The following BRSK1 variants were observed in gnomAD, a reference collection of about 807,000 sequenced individuals.
BRSK1 encodes the protein serine/threonine-protein kinase BRSK1.
A neutral mutation model predicts 86.2 loss-of-function variants in BRSK1; 17 were observed. The ratio of observed to expected loss-of-function variants is 0.20; its 90% CI spans 0.14 to 0.30. The LOEUF (loss-of-function observed/expected upper bound fraction) is 0.30. Among genes scored for constraint, BRSK1 ranks in the 10% least tolerant of loss-of-function variants. BRSK1 has a pLI of 1.00. For synonymous variants in BRSK1, 464 were observed against 440.1 expected (o/e 1.05, Z -0.68); for missense variants, 719 against 1,071.9 (o/e 0.67, Z 4.60).
intron 17 of BRSK1, among the ~76,000 whole-genome samples, chr19:55,307,644 A>G (rs1384465310): frequency 6.7e-6 from 1 of 150,330 alleles, no homozygotes; most frequent in Non-Finnish European, 1.5e-5. Context: ...TAATCCCAGC[A>G]CTTTGGGAAG....
At chr19:55,301,127 G>C (rs2088563652) in intron 7 of BRSK1, among the ~76,000 whole-genome samples, 1 of 152,210 alleles carries the variant, frequency 6.6e-6, no homozygotes, top group African/African-American at 2.4e-5. Flanking sequence ...TCAGTCGCTC[G>C]TCATTGTATA....
intron 7 of BRSK1, among the ~76,000 whole-genome samples, chr19:55,297,457 C>T (rs73053170): frequency 0.04 from 6,061 of 152,200 alleles, 141 homozygotes; most frequent in Middle Eastern, 0.078. Flanking sequence ...GTGACTGGCC[C>T]ACGGGCACGC....
At position 55,310,085 on chromosome 19, in the gene BRSK1, C is replaced by G. The variant is rs567729890; in HGVS notation, c.2179+1357C>G. On this transcript the variant is annotated intron_variant, in intron 18 of 18. Coordinates refer to ENST00000309383, the MANE Select transcript of BRSK1 (RefSeq NM_032430.2). This position sits in a 1 kb window ranked among gnomAD's most constrained non-coding sequence, Gnocchi z 5.0. ...GGTCTTTTGCTCTGGAGCCGTGGTTCTCAACTAGGGGAGCTGGTTTCACCC... is the reference window on the plus strand; with the variant it reads ...GGTCTTTTGCTCTGGAGCCGTGGTTGTCAACTAGGGGAGCTGGTTTCACCC... Among the ~76,000 whole-genome samples the G allele has an allele frequency of 6.6e-6, 1 of 152,350 alleles. No individual in the cohort carries two copies. Among genetic ancestry groups the G allele is most frequent in the Admixed American group, 6.5e-5 (1 of 15,306 alleles).
chr19:55,310,582 A>AT lies in BRSK1; in HGVS notation c.2180-1324dup, dbSNP rs35931424. On this transcript the variant is annotated intron_variant, in intron 18 of 18. Coordinates refer to ENST00000309383, the MANE Select transcript of BRSK1 (RefSeq NM_032430.2). The surrounding 1 kb of genome is among the most constrained non-coding windows in gnomAD (Gnocchi z 5.0). ...GGGACATTTAGTAATGTCTGGAGACATTTTTCCTCCCCTCAACTGGGGAAA... is the reference window on the plus strand; with the variant it reads ...GGGACATTTAGTAATGTCTGGAGACATTTTTTCCTCCCCTCAACTGGGGAAA... 0.17 allele frequency among the ~76,000 whole-genome samples: 26,319 copies of AT among 151,944 alleles called. 2,791 individuals are homozygous for AT. Among genetic ancestry groups the AT allele is most frequent in the South Asian group, 0.23 (1,118 of 4,816 alleles).
chr19:55,303,503 G>A lies in BRSK1; in HGVS notation c.1126+95G>A. On this transcript the variant is annotated intron_variant, in intron 11 of 18. Coordinates refer to ENST00000309383, the MANE Select transcript of BRSK1 (RefSeq NM_032430.2). This position sits in a 1 kb window ranked among gnomAD's most constrained non-coding sequence, Gnocchi z 5.1. Reference sequence around the variant, plus strand: ...CAGATTCCCAAGGAAAGAAGGGGCTGCAGGCTCTGAGCTTCCAGCTTTAGA... The same window carrying A: ...CAGATTCCCAAGGAAAGAAGGGGCTACAGGCTCTGAGCTTCCAGCTTTAGA... 2 of 1,493,888 alleles carry A rather than the reference G, an allele frequency of 1.3e-6. No individual in the cohort carries two copies. The highest frequency in any genetic ancestry group is 1.9e-6 in the Non-Finnish European group (2 of 1,076,910). The allele number at this position is 1,493,888 out of a possible 1,614,324, so 92.5% of individuals were successfully genotyped here.
intron 7 of BRSK1, among the ~76,000 whole-genome samples, chr19:55,299,004 C>T (rs923245265): frequency 6.6e-6 from 1 of 152,018 alleles, no homozygotes; most frequent in East Asian, 1.9e-4. Context: ...GAGGCTGAGG[C>T]GGGCAGATCA....
chr19:55,296,742 G>A (rs1381015370), intron 7 of BRSK1, among the ~76,000 whole-genome samples: 2 of 152,126 alleles, frequency 1.3e-5, no homozygotes, highest in South Asian at 4.1e-4. Flanking sequence ...CAGCTACTCG[G>A]GAGGCTGAGG....
Position 55,312,353 on chromosome 19 carries a change from TG to T in BRSK1, c.*289del, listed in dbSNP as rs2088822261. On this transcript the variant is annotated 3_prime_UTR_variant, in exon 19 of 19. Transcript: ENST00000309383. ...GGGTGGGGGAGGGACGGGAGCTGGT[TG>T]GGGTGGCTTAGCAGATCCGGACAGG... 2 of 200,002 alleles carry T rather than the reference TG, an allele frequency of 1.0e-5. No homozygotes were observed. The highest frequency in any genetic ancestry group is 3.3e-4 in the South Asian group (2 of 6,080). The allele number at this position is 200,002 out of a possible 1,614,324, so 12.4% of individuals were successfully genotyped here. A position where few individuals can be genotyped will look rare whatever the true frequency, so the allele number is the denominator to read the frequency against.
chr19:55,304,257 T>C lies in BRSK1; in HGVS notation c.1347+147T>C, dbSNP rs759301346. Reference sequence around the variant, plus strand: ...GGCCAAAGACCCAAGGCCTCCAAAGTATTTTGGTCCATTGGCCATTTCTAC... The same window carrying C: ...GGCCAAAGACCCAAGGCCTCCAAAGCATTTTGGTCCATTGGCCATTTCTAC... On this transcript the variant is annotated intron_variant, in intron 13 of 18. Coordinates refer to ENST00000309383, the MANE Select transcript of BRSK1 (RefSeq NM_032430.2). The surrounding 1 kb of genome is among the most constrained non-coding windows in gnomAD (Gnocchi z 5.2). The C allele has an allele frequency of 4.4e-6, 4 of 907,886 alleles. No homozygotes were observed. The highest frequency in any genetic ancestry group is 6.5e-6 in the Non-Finnish European group (4 of 613,610). The allele number at this position is 907,886 out of a possible 1,614,324, so 56.2% of individuals were successfully genotyped here. A position where few individuals can be genotyped will look rare whatever the true frequency, so the allele number is the denominator to read the frequency against.
In BRSK1 at chr19:55,306,323, C is replaced by T. The variant is rs2088650157; in HGVS notation, c.1962C>T (p.Pro654=). 1 of 1,614,048 alleles carries T rather than the reference C, an allele frequency of 6.2e-7. No homozygotes were observed. Among genetic ancestry groups the T allele is most frequent in the Non-Finnish European group, 8.5e-7 (1 of 1,180,058 alleles). Residue 654 remains proline, a synonymous_variant, in exon 17 of 19, where the codon CCC becomes CCT. Transcript: ENST00000309383. The surrounding 1 kb of genome is among the most constrained non-coding windows in gnomAD (Gnocchi z 4.7). ...CCGAGTACAAGGCCAGTGGCGGCCC[C>T]TCCGTCTTCCAAAAGCCCGTCCGCT... ...FRAEYKASGG[P]SVFQKPVRFQ...
At position 55,301,803 on chromosome 19, in the gene BRSK1, T is replaced by C. The variant is rs868845001; in HGVS notation, c.825+145T>C. On this transcript the variant is annotated intron_variant, in intron 8 of 18. Coordinates refer to ENST00000309383, the MANE Select transcript of BRSK1 (RefSeq NM_032430.2). ...TCGCCAGCTGAGCCGCAGCCCAAGGTCCAGCACAGCTGCCGCTCCAAACTG... is the reference window on the plus strand; with the variant it reads ...TCGCCAGCTGAGCCGCAGCCCAAGGCCCAGCACAGCTGCCGCTCCAAACTG... The C allele has an allele frequency of 2.7e-5, 29 of 1,069,040 alleles. No individual in the cohort carries two copies. In the Middle Eastern group the frequency reaches 1.2e-3, roughly 46 times the overall value. The allele number at this position is 1,069,040 out of a possible 1,614,324, so 66.2% of individuals were successfully genotyped here. A position where few individuals can be genotyped will look rare whatever the true frequency, so the allele number is the denominator to read the frequency against.
intron 1 of BRSK1, among the ~76,000 whole-genome samples, chr19:55,284,944 G>A (rs1029877286): frequency 1.3e-5 from 2 of 149,712 alleles, no homozygotes; most frequent in Non-Finnish European, 3.0e-5. Context: ...GGACTCCGGA[G>A]TCTGAGGGAG....
chr19:55,303,759 G>A lies in BRSK1; in HGVS notation c.1219G>A (p.Asp407Asn), dbSNP rs776766095. The change falls in exon 12 of 19, where the codon GAT becomes AAT. Residue 407 changes from aspartate (D) to asparagine (N), a missense_variant. Asp to Asn is a conservative substitution (Grantham distance 23). Coordinates refer to ENST00000309383, the MANE Select transcript of BRSK1 (RefSeq NM_032430.2). The surrounding 1 kb of genome is among the most constrained non-coding windows in gnomAD (Gnocchi z 5.1). Reference protein sequence around the residue: ...RKSMEVLSITDAGGGGSPVPT... With the variant: ...RKSMEVLSITNAGGGGSPVPT... Reference sequence around the variant, plus strand: ...GTCCATGGAAGTCCTGAGCATCACCGATGCCGGGGGTGGTGGCTCCCCTGT... The same window carrying A: ...GTCCATGGAAGTCCTGAGCATCACCAATGCCGGGGGTGGTGGCTCCCCTGT... 8 of 1,613,080 alleles carry A rather than the reference G, an allele frequency of 5.0e-6. No homozygotes were observed. The highest frequency in any genetic ancestry group is 2.7e-5 in the African/African-American group (2 of 74,904).
intron 1 of BRSK1, among the ~76,000 whole-genome samples, chr19:55,285,193 G>C (rs1480334938): frequency 6.6e-6 from 1 of 150,938 alleles, no homozygotes; most frequent in Non-Finnish European, 1.5e-5. Context: ...TCTGGGGTCT[G>C]GACTCCTGGG....
In BRSK1 at chr19:55,284,709, G is replaced by A. The variant is rs111614501; in HGVS notation, c.136+131G>A. 8 of 805,052 alleles carry A rather than the reference G, an allele frequency of 9.9e-6. No homozygotes were observed. In the African/African-American group the frequency reaches 1.4e-4, roughly 14 times the overall value. The allele number at this position is 805,052 out of a possible 1,614,324, so 49.9% of individuals were successfully genotyped here. ...TGGGCCCCTCATAGAGAAGGGACTT[G>A]GGATTCAGACTCCTGGGTCCCTGGA... On this transcript the variant is annotated intron_variant, in intron 1 of 18. Coordinates refer to ENST00000309383, the MANE Select transcript of BRSK1 (RefSeq NM_032430.2).
Position 55,287,635 on chromosome 19 carries a change from T to C in BRSK1, c.317+336T>C, listed in dbSNP as rs2088338670. On this transcript the variant is annotated intron_variant, in intron 3 of 18. Transcript: ENST00000309383. The surrounding 1 kb of genome is among the most constrained non-coding windows in gnomAD (Gnocchi z 5.3). ...ACCCAATCTGCTATGGGCAGATGCCTCCTGTTTGTAAGGCAAGGGGCCTAG... is the reference window on the plus strand; with the variant it reads ...ACCCAATCTGCTATGGGCAGATGCCCCCTGTTTGTAAGGCAAGGGGCCTAG... Among the ~76,000 whole-genome samples, 2 of 152,248 alleles carry C rather than the reference T, an allele frequency of 1.3e-5. No individual in the cohort carries two copies. The highest frequency in any genetic ancestry group is 2.9e-5 in the Non-Finnish European group (2 of 68,036).
At chr19:55,297,041 A>C (rs962208851) in intron 7 of BRSK1, among the ~76,000 whole-genome samples, 7 of 151,872 alleles carry the variant, frequency 4.6e-5, no homozygotes, top group African/African-American at 1.7e-4. Context: ...AATAAGTAAT[A>C]AGTAGAAAAG....
intron 4 of BRSK1, 28 bp downstream of exon 4, chr19:55,289,648 G>C: frequency 2.5e-6 from 4 of 1,609,792 alleles, no homozygotes; most frequent in Non-Finnish European, 3.4e-6. Context: ...GGGGGAGGAG[G>C]GGCTGAGGGC....
intron 18 of BRSK1, among the ~76,000 whole-genome samples, chr19:55,309,224 C>T (rs774232988): frequency 2.8e-4 from 43 of 152,122 alleles, no homozygotes; most frequent in Non-Finnish European, 5.7e-4. Flanking sequence ...CAAGTCACCT[C>T]ACCCTGGGGC....
Sources: gnomAD v4.1 joint callset for allele counts (sites outside exome capture counted in the v4.1 genomes callset) on GRCh38, gnomAD v4.1.1 for gene constraint, Gnocchi (gnomAD v3.1) non-coding constraint, MANE v1.5 for transcripts, NCBI Gene and HGNC (gene_info 2026-07-23, HGNC 2026-07-21) for gene names.